PEX5L: variants seen among roughly 807,000 people sequenced by gnomAD.
PEX5L encodes the protein PEX5-related protein.
A neutral mutation model predicts 84.0 loss-of-function variants in PEX5L; 30 were observed. The observed-to-expected ratio is 0.36, with a 90% CI of 0.27 to 0.48. PEX5L has a LOEUF of 0.48. Ranked by LOEUF, PEX5L falls within the 20% of genes least tolerant of loss-of-function variation. The probability of loss-of-function intolerance (pLI) is 0.99; values close to 1 mark genes in which losing one functional copy is unlikely to be tolerated. For missense variants in PEX5L, 533 were observed against 754.6 expected, an observed-to-expected ratio of 0.71 and a Z score of 3.44; for synonymous variants, 270 against 283.1, an observed-to-expected ratio of 0.95 and a Z score of 0.46.
intron 1 of PEX5L, among the ~76,000 whole-genome samples, chr3:179,989,582 T>A (rs1164983684): frequency 6.6e-6 from 1 of 152,204 alleles, no homozygotes; most frequent in East Asian, 1.9e-4. Context: ...AATTGACATA[T>A]TTATATCTCA....
At chr3:179,954,190 A>C (rs1779871308) in intron 2 of PEX5L, among the ~76,000 whole-genome samples, 1 of 100,844 alleles carries the variant, frequency 9.9e-6, no homozygotes, top group Non-Finnish European at 2.0e-5. Flanking sequence ...CAAGCCCAGA[A>C]ATTAACCATT....
Position 179,795,098 on chromosome 3 carries a change from A to T in PEX5L, c.*6730T>A, listed in dbSNP as rs893155291. On this transcript the variant is annotated 3_prime_UTR_variant, in exon 15 of 15. Transcript: ENST00000467460. ...CCAAAAATGCATTCCTGATTTCCAGATAGCTCATGCAAAATCATATGTAGT... is the reference window on the plus strand; with the variant it reads ...CCAAAAATGCATTCCTGATTTCCAGTTAGCTCATGCAAAATCATATGTAGT... 2 of 152,212 alleles carry T rather than the reference A, an allele frequency of 1.3e-5. No individual in the cohort carries two copies. Among genetic ancestry groups the T allele is most frequent in the East Asian group, 3.8e-4 (2 of 5,204 alleles). The allele number at this position is 152,212 out of a possible 1,614,324, so 9.4% of individuals were successfully genotyped here.
At chr3:179,964,587 TAAAC>T in intron 2 of PEX5L, among the ~76,000 whole-genome samples, 1 of 151,734 alleles carries the variant, frequency 6.6e-6, no homozygotes, top group African/African-American at 2.4e-5. Flanking sequence ...TTAAGGCACT[TAAAC>T]AAATTCACAA....
chr3:180,024,050 A>G (rs1190584512), intron 1 of PEX5L, among the ~76,000 whole-genome samples: 1 of 152,018 alleles, frequency 6.6e-6, no homozygotes, highest in Non-Finnish European at 1.5e-5. Flanking sequence ...CCAGGAAAAA[A>G]CACAGTCTTT....
chr3:179,807,777 C>T lies in PEX5L; in HGVS notation c.1573G>A (p.Glu525Lys), dbSNP rs773381607. The change falls in exon 14 of 15, where the codon GAG (glutamate) becomes AAG (lysine). Residue 525 changes from glutamate (E) to lysine (K), a missense_variant. Glu to Lys is a moderately conservative substitution (Grantham distance 56). Transcript: ENST00000467460. ...CGCGTATAGGCCTCCACGGCTTCCT[C>T]GCTGCGGTCTCCGTTCGCCAAGGTC... ...GATLANGDRS[E>K]EAVEAYTRAL... 2.2e-5 allele frequency: 36 copies of T among 1,613,984 alleles called. No homozygotes were observed. Among genetic ancestry groups the T allele is most frequent in the Non-Finnish European group, 2.8e-5 (33 of 1,180,014 alleles).
chr3:179,858,195 A>G (rs1744732459), intron 8 of PEX5L, among the ~76,000 whole-genome samples: 1 of 152,150 alleles, frequency 6.6e-6, no homozygotes, highest in Admixed American at 6.5e-5. Flanking sequence ...AATGCTTTCA[A>G]TTTTCAAGAT....
At chr3:179,843,596 T>C (rs1738121912) in intron 8 of PEX5L, among the ~76,000 whole-genome samples, 1 of 152,218 alleles carries the variant, frequency 6.6e-6, no homozygotes, top group African/African-American at 2.4e-5. Flanking sequence ...TATGTTGTCA[T>C]TATAGGTAAT....
chr3:180,003,956 CA>C (rs1788644641), intron 1 of PEX5L, among the ~76,000 whole-genome samples: 1 of 152,210 alleles, frequency 6.6e-6, no homozygotes, highest in South Asian at 2.1e-4. Context: ...GCTTTTATCC[CA>C]ATCAATATCT....
At chr3:179,929,407 T>C (rs974245889) in intron 2 of PEX5L, among the ~76,000 whole-genome samples, 1 of 152,216 alleles carries the variant, frequency 6.6e-6, no homozygotes, top group African/African-American at 2.4e-5. Flanking sequence ...ATAAAGAATT[T>C]TGCATTTATT....
At chr3:179,914,099 T>C (rs1272693597) in intron 2 of PEX5L, among the ~76,000 whole-genome samples, 1 of 152,200 alleles carries the variant, frequency 6.6e-6, no homozygotes, top group African/African-American at 2.4e-5. Context: ...ATGTTTTAGA[T>C]AGCAGACATC....
At chr3:179,929,598 T>C (rs2109578174) in intron 2 of PEX5L, among the ~76,000 whole-genome samples, 1 of 151,988 alleles carries the variant, frequency 6.6e-6, no homozygotes, top group East Asian at 1.9e-4. Context: ...TCTTTAAGTA[T>C]ACACAAAGAA....
At chr3:179,869,180 G>A (rs1176063221) in intron 7 of PEX5L, among the ~76,000 whole-genome samples, 1 of 152,136 alleles carries the variant, frequency 6.6e-6, no homozygotes, top group African/African-American at 2.4e-5. Context: ...TCTAACCGAG[G>A]TCTGCAAAAG....
At chr3:179,855,187 C>A (rs189606770) in intron 8 of PEX5L, among the ~76,000 whole-genome samples, 9 of 152,044 alleles carry the variant, frequency 5.9e-5, no homozygotes, top group African/African-American at 1.7e-4. Flanking sequence ...TGGCCAGGTG[C>A]CGATCATGAG....
chr3:179,874,726 GTTTTTTTTTTTGT>G (rs752013557), intron 6 of PEX5L, among the ~76,000 whole-genome samples: 1,825 of 45,210 alleles, frequency 0.04, 24 homozygotes, highest in Non-Finnish European at 0.062. Flanking sequence ...AAAAATTATG[GTTTTTTTTTTTGT>G]TTTTTTTTTT....
rs1353499494 is a variant in PEX5L at position 179,829,984 on chromosome 3, A to G, written c.823-10008T>C. Among the ~76,000 whole-genome samples, 23 of 116,652 alleles carry G rather than the reference A, an allele frequency of 2.0e-4. No homozygotes were observed. The Admixed American group carries it at 2.1e-3, about 11-fold the overall frequency. The allele number at this position is 116,652 out of a possible 152,430, so 76.5% of individuals were successfully genotyped here. A position where few individuals can be genotyped will look rare whatever the true frequency, so the allele number is the denominator to read the frequency against. On this transcript the variant is annotated intron_variant, in intron 8 of 14. Coordinates refer to ENST00000467460, the MANE Select transcript of PEX5L (RefSeq NM_016559.3). ...TTTTTTTTTTGTATTTTTAGTAGAG[A>G]TGGGGTTTCACCATGTTGGCCAGGC...
Position 179,887,658 on chromosome 3 carries a change from A to C in PEX5L, c.310+15T>G, listed in dbSNP as rs1265986440. ...TTAACTCTAGTTGAGGAACAGTTAA[A>C]AGTGAGAGAATTACCAGCTGTATTG... On this transcript the variant is annotated intron_variant, in intron 4 of 14. Coordinates refer to ENST00000467460, the MANE Select transcript of PEX5L (RefSeq NM_016559.3). 1.3e-6 allele frequency: 2 copies of C among 1,489,308 alleles called. No individual in the cohort carries two copies. The highest frequency in any genetic ancestry group is 1.9e-6 in the Non-Finnish European group (2 of 1,066,574). 92.3% of individuals were successfully genotyped at this position (1,489,308 alleles called of 1,614,324 possible).
intron 2 of PEX5L, among the ~76,000 whole-genome samples, chr3:179,955,737 G>C (rs1019878218): frequency 6.6e-6 from 1 of 151,312 alleles, no homozygotes; most frequent in African/African-American, 2.4e-5. Context: ...TAATCTTTTG[G>C]GGCAGTTGAA....
chr3:179,855,877 T>G (rs753542556), intron 8 of PEX5L, among the ~76,000 whole-genome samples: 6 of 152,224 alleles, frequency 3.9e-5, no homozygotes, highest in Non-Finnish European at 7.3e-5. Context: ...CCTCCAGAAC[T>G]GTGAGCAATA....
chr3:180,032,494 C>G (rs558078770), intron 1 of PEX5L, among the ~76,000 whole-genome samples: 1 of 152,156 alleles, frequency 6.6e-6, no homozygotes, highest in Admixed American at 6.5e-5. Context: ...TGGTTTATTG[C>G]TATTAGTCAT....
Sources: gnomAD v4.1 joint callset for allele counts (sites outside exome capture counted in the v4.1 genomes callset) on GRCh38, gnomAD v4.1.1 for gene constraint, MANE v1.5 for transcripts, NCBI Gene and HGNC (gene_info 2026-07-23, HGNC 2026-07-21) for gene names.